Variants in SEL1L2 observed in about 807,000 individuals in gnomAD.
SEL1L2 encodes the protein SEL1L2 adaptor subunit of SYVN1 ubiquitin ligase.
A neutral mutation model predicts 98.8 loss-of-function variants in SEL1L2; 89 were observed. The ratio of observed to expected loss-of-function variants is 0.90; its 90% confidence interval spans 0.76 to 1.07. The LOEUF is 1.07. Ranked by LOEUF, SEL1L2 falls within the 50% of genes least tolerant of loss-of-function variation. The pLI is 0.00. For synonymous variants in SEL1L2, 262 were observed against 278.5 expected (o/e 0.94, Z 0.59); for missense variants, 788 against 812.0 (o/e 0.97, Z 0.36).
intron 2 of SEL1L2, among the ~76,000 whole-genome samples, chr20:13,939,599 G>C (rs1268137436): frequency 6.6e-6 from 1 of 151,220 alleles, no homozygotes; most frequent in Non-Finnish European, 1.5e-5. Context: ...TATTTTAATA[G>C]CCTCCACAAA....
intron 1 of SEL1L2, among the ~76,000 whole-genome samples, chr20:13,957,527 C>T (rs377686968): frequency 6.6e-6 from 1 of 152,024 alleles, no homozygotes; most frequent in Non-Finnish European, 1.5e-5. Flanking sequence ...GGAACTGGTC[C>T]CAGATTGATT....
rs756873615 is a variant in SEL1L2, at chr20:13,865,181, C to T, written c.1631G>A (p.Arg544Gln). The change falls in exon 17 of 20, where the codon CGA becomes CAA. Residue 544 changes from arginine to glutamine, a missense_variant. Arg to Gln is a conservative substitution (Grantham distance 43, BLOSUM62 1). Coordinates refer to ENST00000284951, the MANE Select transcript of SEL1L2 (RefSeq NM_025229.2). ...MYPMALLLWN[R>Q]AAIQGNAFAR... is the part of the protein sequence containing the mutation. Reference sequence around the variant, plus strand: ...GGGTTCCATACCTTGAATGGCAGCTCGATTCCATAGGAGAAGCGCCATTGG... The same window carrying T: ...GGGTTCCATACCTTGAATGGCAGCTTGATTCCATAGGAGAAGCGCCATTGG... The T allele has an allele frequency of 3.1e-6, 5 of 1,612,254 alleles. No individual in the cohort carries two copies. The highest frequency in any genetic ancestry group is 3.3e-5 in the Admixed American group (2 of 59,944).
intron 2 of SEL1L2, 106 bp downstream of exon 2, chr20:13,955,969 TA>T (rs1011216424): frequency 0.011 from 6,424 of 563,878 alleles, no homozygotes; most frequent in South Asian, 0.013. Context: ...GATTGAGAAT[TA>T]AAAAAAAAAG....
chr20:13,870,250 A>T, intron 12 of SEL1L2, 47 bp from the exon 13 acceptor site: 1 of 1,461,558 alleles, frequency 6.8e-7, no homozygotes, highest in Non-Finnish European at 9.4e-7. Flanking sequence ...AGAATTCATG[A>T]TAAGGAAAAT....
chr20:13,920,801 T>C (rs546861307), intron 3 of SEL1L2, among the ~76,000 whole-genome samples: 1 of 152,214 alleles, frequency 6.6e-6, no homozygotes, highest in South Asian at 2.1e-4. Context: ...TGCTCATTTT[T>C]CTTTTTAAAT....
At chr20:13,915,508 A>G (rs2048366768) in intron 4 of SEL1L2, among the ~76,000 whole-genome samples, 1 of 152,202 alleles carries the variant, frequency 6.6e-6, no homozygotes. Flanking sequence ...TCTATAGCCT[A>G]CTGGGACAGG....
At position 13,849,436 on chromosome 20, in the gene SEL1L2, C is replaced by T. The variant is rs756209865; in HGVS notation, c.*49G>A. On this transcript the variant is annotated 3_prime_UTR_variant, in exon 20 of 20. Transcript: ENST00000284951. ...GGAAACTGTTTATTTAGTGGGGATA[C>T]CTTGGAGTGAACTGATTCCCGTGAG... 10 of 1,603,270 alleles carry T rather than the reference C, an allele frequency of 6.2e-6. No homozygotes were observed. In the Admixed American group the frequency reaches 1.5e-4, roughly 24 times the overall value.
At chr20:13,932,007 A>C (rs2148316360) in intron 2 of SEL1L2, among the ~76,000 whole-genome samples, 1 of 152,346 alleles carries the variant, frequency 6.6e-6, no homozygotes, top group African/African-American at 2.4e-5. Flanking sequence ...CTACAGAGCC[A>C]AGCATTAAAA....
In SEL1L2 at chr20:13,956,075, C is replaced by T. The variant is rs780764576; in HGVS notation, c.114+1G>A. The T allele has an allele frequency of 1.1e-5, 17 of 1,546,624 alleles. No individual in the cohort carries two copies. The highest frequency in any genetic ancestry group is 1.5e-5 in the Non-Finnish European group (17 of 1,131,238). On this transcript the variant is annotated splice_donor_variant, in intron 2 of 19. Coordinates refer to ENST00000284951, the MANE Select transcript of SEL1L2 (RefSeq NM_025229.2). LOFTEE classifies it high-confidence loss of function. Reference sequence around the variant, plus strand: ...ATGTAAAGATTTAGCAAAATATTTACCTGTGTGGTGACATTTCTTTCCTTT... The same window carrying T: ...ATGTAAAGATTTAGCAAAATATTTATCTGTGTGGTGACATTTCTTTCCTTT...
chr20:13,973,302 A>G (rs1339078618), intron 1 of SEL1L2: 2 of 152,200 alleles, frequency 1.3e-5, no homozygotes, highest in Non-Finnish European at 2.9e-5. Context: ...AAGTCTTCAA[A>G]TGTTTGCTTT....
chr20:13,944,339 A>C (rs955624529), intron 2 of SEL1L2, among the ~76,000 whole-genome samples: 1 of 152,242 alleles, frequency 6.6e-6, no homozygotes, highest in East Asian at 1.9e-4. Context: ...GCAATAGAGC[A>C]AAAATGCAGG....
chr20:13,955,493 C>G (rs1248148886), intron 2 of SEL1L2, among the ~76,000 whole-genome samples: 1 of 151,772 alleles, frequency 6.6e-6, no homozygotes, highest in Non-Finnish European at 1.5e-5. Context: ...ATCAAGAAGA[C>G]AGTAGTAGGA....
chr20:13,974,435 C>T lies in SEL1L2; in HGVS notation c.58+16042G>A, dbSNP rs1044025629. Among the ~76,000 whole-genome samples the T allele has an allele frequency of 7.3e-5, 11 of 150,266 alleles. No individual in the cohort carries two copies. In the East Asian group the frequency reaches 2.1e-3, roughly 29 times the overall value. ...TAGGGGTCAGAACTGCTAGGCTGCT[C>T]CTACTGCTTTTTATTTTTTTTCCTT... On this transcript the variant is annotated intron_variant, in intron 1 of 19. Coordinates refer to ENST00000284951, the MANE Select transcript of SEL1L2 (RefSeq NM_025229.2).
intron 10 of SEL1L2, among the ~76,000 whole-genome samples, chr20:13,878,322 G>A (rs868394134): frequency 5.4e-5 from 6 of 111,742 alleles, no homozygotes; most frequent in Non-Finnish European, 9.4e-5. Flanking sequence ...TTTTTTTTTC[G>A]AGACGGAGTC....
chr20:13,898,860 A>T lies in SEL1L2; in HGVS notation c.550-10348T>A, dbSNP rs190151606. 3.5e-3 allele frequency among the ~76,000 whole-genome samples: 529 copies of T among 152,062 alleles called. 13 individuals are homozygous for T. The highest frequency in any genetic ancestry group is 0.031 in the Admixed American group (474 of 15,260). ...CGGGTTCAAGAGATTCTCCTGCCTC[A>T]CCCTCCCGAGTATCTGGGATTACAG... On this transcript the variant is annotated intron_variant, in intron 5 of 19. Coordinates refer to ENST00000284951, the MANE Select transcript of SEL1L2 (RefSeq NM_025229.2).
chr20:13,943,805 G>C (rs773637267), intron 2 of SEL1L2, among the ~76,000 whole-genome samples: 1 of 152,106 alleles, frequency 6.6e-6, no homozygotes, highest in East Asian at 1.9e-4. Context: ...TAGAAAATGA[G>C]GGATGTGCTA....
At chr20:13,885,226 G>A in intron 10 of SEL1L2, 121 bp downstream of exon 10, 1 of 703,262 alleles carries the variant, frequency 1.4e-6, no homozygotes, top group Non-Finnish European at 2.6e-6. Context: ...GACCAAGGAA[G>A]CATCAGTGGG....
chr20:13,890,632 G>A (rs1230621921), intron 5 of SEL1L2, among the ~76,000 whole-genome samples: 4 of 152,006 alleles, frequency 2.6e-5, no homozygotes, highest in Non-Finnish European at 5.9e-5. Flanking sequence ...CAGGAAACAG[G>A]AAAAGATGGT....
At chr20:13,890,582 G>A (rs184744488) in intron 5 of SEL1L2, among the ~76,000 whole-genome samples, 13 of 151,950 alleles carry the variant, frequency 8.6e-5, no homozygotes, top group African/African-American at 1.9e-4. Context: ...TGCACAAATC[G>A]TAGCAAAATA....
Sources: gnomAD v4.1 joint callset for allele counts (sites outside exome capture counted in the v4.1 genomes callset) on GRCh38, gnomAD v4.1.1 for gene constraint, MANE v1.5 for transcripts, NCBI Gene and HGNC (gene_info 2026-07-23, HGNC 2026-07-21) for gene names.